The following AKR1C3 variants were observed in gnomAD, a reference collection of about 807,000 sequenced individuals.
AKR1C3 encodes the protein aldo-keto reductase family 1 member C3.
Under a neutral mutation model 43.6 loss-of-function variants are expected in AKR1C3, and 48 were observed. That is an observed-to-expected ratio of 1.10 (90% CI 0.87 to 1.40). The LOEUF (loss-of-function observed/expected upper bound fraction) is 1.40. Ranked by LOEUF, AKR1C3 falls within the 40% of genes most tolerant of loss-of-function variation. The pLI is 0.00. For synonymous variants in AKR1C3, 162 were observed against 139.6 expected, an observed-to-expected ratio of 1.16 and a Z score of -1.13; for missense variants, 482 against 391.2, an observed-to-expected ratio of 1.23 and a Z score of -1.96.
chr10:5,100,992 A>T (rs374955816), intron 5 of AKR1C3, among the ~76,000 whole-genome samples: 70 of 152,342 alleles, frequency 4.6e-4, no homozygotes, highest in African/African-American at 1.6e-3. Flanking sequence ...ACCTAAATAA[A>T]GTATGTCACA....
chr10:5,059,924 T>C (rs1554780036), intron 1 of AKR1C3, among the ~76,000 whole-genome samples: 1 of 151,346 alleles, frequency 6.6e-6, no homozygotes, highest in East Asian at 2.0e-4. Flanking sequence ...TTACAGTTCT[T>C]AAAGGCAGCA....
At chr10:5,079,275 A>G (rs1838779400) in intron 1 of AKR1C3, among the ~76,000 whole-genome samples, 1 of 152,142 alleles carries the variant, frequency 6.6e-6, no homozygotes. Flanking sequence ...AGCTTTTAAG[A>G]CTTGTCATAC....
At chr10:5,107,312 A>G (rs587614118) in intron 8 of AKR1C3, 149 bp from the exon 9 acceptor site, 13 of 621,254 alleles carry the variant, frequency 2.1e-5, no homozygotes, top group African/African-American at 1.1e-4. Context: ...CTGTATTATG[A>G]AGCCATGTTC....
intron 1 of AKR1C3, chr10:5,048,961 T>C (rs1027542465): frequency 1.5e-6 from 2 of 1,363,612 alleles, no homozygotes; most frequent in Non-Finnish European, 2.1e-6. Context: ...GAAGCTGACC[T>C]GGGTTGTCAG....
chr10:5,083,346 T>C (rs7478670), intron 1 of AKR1C3, among the ~76,000 whole-genome samples: 127,302 of 151,884 alleles, frequency 0.84, 53,385 homozygotes, highest in Middle Eastern at 0.91. Flanking sequence ...TTTGTCCTTG[T>C]GATAGTTGGC....
In AKR1C3 at chr10:5,099,441, T is replaced by C. The variant is rs782273619; in HGVS notation, c.562T>C (p.Cys188Arg). ...GCCAGGACTCAAGTACAAGCCTGTC[T>C]GCAACCAGGTGAGCTCCCTTGGCCT... is the stretch of plus-strand genomic sequence containing the variant. Reference protein sequence around the residue: ...NKPGLKYKPVCNQVECHPYFN... With the variant: ...NKPGLKYKPVRNQVECHPYFN... Residue 188 changes from cysteine to arginine, a missense_variant, in exon 5 of 9, where the codon TGC (cysteine) becomes CGC (arginine). Transcript: ENST00000380554. The C allele has an allele frequency of 2.5e-6, 4 of 1,614,214 alleles. No individual in the cohort carries two copies. The South Asian group carries it at 3.3e-5, about 13-fold the overall frequency.
chr10:5,072,148 T>C (rs1193123432), intron 1 of AKR1C3, among the ~76,000 whole-genome samples: 4 of 152,202 alleles, frequency 2.6e-5, no homozygotes, highest in African/African-American at 9.7e-5. Flanking sequence ...TCTAGTACTA[T>C]TGAGCAGCAA....
chr10:5,104,716 A>C (rs1839455397), intron 7 of AKR1C3, among the ~76,000 whole-genome samples: 1 of 152,168 alleles, frequency 6.6e-6, no homozygotes, highest in South Asian at 2.1e-4. Flanking sequence ...ATGAATTTCC[A>C]ACTATTTAAA....
rs965187150 is a variant in AKR1C3, at chr10:5,050,787, T to C, written c.84+1892T>C. 8.5e-5 allele frequency among the ~76,000 whole-genome samples: 13 copies of C among 152,334 alleles called. No homozygotes were observed. In the South Asian group the frequency reaches 2.7e-3, roughly 32 times the overall value. On this transcript the variant is annotated intron_variant, in intron 1 of 8. Transcript: ENST00000439082. ...TTTTAATGCATTGCATATTCCTGGA[T>C]ATTGGACCCTGTATCATACACAACA...
At chr10:5,100,509 CCT>C (rs1221836303) in intron 5 of AKR1C3, among the ~76,000 whole-genome samples, 7 of 151,840 alleles carry the variant, frequency 4.6e-5, no homozygotes, top group African/African-American at 1.2e-4. Flanking sequence ...CTTTTTTCCC[CCT>C]GAGTTATTGT....
chr10:5,061,667 T>A (rs1554780262), intron 1 of AKR1C3, among the ~76,000 whole-genome samples: 1 of 152,212 alleles, frequency 6.6e-6, no homozygotes, highest in African/African-American at 2.4e-5. Context: ...GGACCTCTGA[T>A]GCCCAATTAC....
At chr10:5,053,512 TG>T (rs782454036) in intron 1 of AKR1C3, among the ~76,000 whole-genome samples, 1 of 152,220 alleles carries the variant, frequency 6.6e-6, no homozygotes, top group African/African-American at 2.4e-5. Flanking sequence ...CTGAGGGAGA[TG>T]GCTCTGGCCT....
chr10:5,054,590 A>G (rs1838220617), intron 1 of AKR1C3, among the ~76,000 whole-genome samples: 2 of 152,186 alleles, frequency 1.3e-5, no homozygotes, highest in South Asian at 4.1e-4. Flanking sequence ...GGAATGGGAT[A>G]CACTGTTTTT....
In AKR1C3 at chr10:5,084,477, T is replaced by G. The variant is rs1366654687; in HGVS notation, c.85-11933T>G. On this transcript the variant is annotated intron_variant, in intron 1 of 8. Transcript: ENST00000439082. The stretch of plus-strand genomic sequence containing the variant: ...CAGTACCATACTGTTTTGGTTACTG[T>G]AGCCTTGTAGTATAGTTTGAAGTCA... Among the ~76,000 whole-genome samples the G allele has an allele frequency of 5.9e-5, 9 of 152,030 alleles. No homozygotes were observed. In the South Asian group the frequency reaches 1.7e-3, roughly 28 times the overall value.
intron 1 of AKR1C3, among the ~76,000 whole-genome samples, chr10:5,073,444 C>G (rs1434679359): frequency 1.3e-5 from 2 of 152,108 alleles, no homozygotes; most frequent in Non-Finnish European, 2.9e-5. Context: ...TAATTTCTAC[C>G]TTTGGTAACA....
At chr10:5,103,444 A>G (rs376805287) in intron 7 of AKR1C3, among the ~76,000 whole-genome samples, 1 of 152,180 alleles carries the variant, frequency 6.6e-6, no homozygotes, top group Non-Finnish European at 1.5e-5. Flanking sequence ...ATAGGGGTTT[A>G]AGATGAAAAC....
At chr10:5,065,889 GTCTT>G (rs1256649272) in intron 1 of AKR1C3, among the ~76,000 whole-genome samples, 34 of 152,274 alleles carry the variant, frequency 2.2e-4, no homozygotes, top group African/African-American at 7.9e-4. Context: ...GGGACAGCTG[GTCTT>G]TCTTCTGTAG....
chr10:5,106,049 C>G (rs925325866), intron 8 of AKR1C3, among the ~76,000 whole-genome samples: 4 of 152,212 alleles, frequency 2.6e-5, no homozygotes, highest in Admixed American at 2.6e-4. Flanking sequence ...CCCAAACCTG[C>G]TCAGCTCCTT....
intron 5 of AKR1C3, among the ~76,000 whole-genome samples, chr10:5,100,634 C>A (rs782129201): frequency 3.1e-4 from 47 of 152,198 alleles, no homozygotes; most frequent in Admixed American, 8.5e-4. Flanking sequence ...TTCTTTTATA[C>A]AACTTAGAGC....
Sources: gnomAD v4.1 joint callset for allele counts (sites outside exome capture counted in the v4.1 genomes callset) on GRCh38, gnomAD v4.1.1 for gene constraint, MANE v1.5 for transcripts, NCBI Gene and HGNC (gene_info 2026-07-23, HGNC 2026-07-21) for gene names.